The following GOSR1 variants were observed in gnomAD, a reference collection of about 807,000 sequenced individuals.
GOSR1 encodes golgi SNAP receptor complex member 1.
In GOSR1, 21 loss-of-function variants were observed where a neutral mutation model predicts 35.5. The ratio of observed to expected loss-of-function variants is 0.59; its 90% CI spans 0.42 to 0.85. GOSR1 has a LOEUF of 0.85. Ranked by LOEUF, GOSR1 falls within the 40% of genes least tolerant of loss-of-function variation. The pLI, the probability that GOSR1 is intolerant of heterozygous loss-of-function variation, is 0.00. For missense variants in GOSR1, 285 were observed against 309.6 expected (o/e 0.92, Z 0.60); for synonymous variants, 94 against 106.6 (o/e 0.88, Z 0.73).
chr17:30,513,911 G>A (rs990062607), intron 7 of GOSR1, among the ~76,000 whole-genome samples: 22 of 152,136 alleles, frequency 1.4e-4, no homozygotes, highest in Non-Finnish European at 2.8e-4. Flanking sequence ...TACTGCAGCC[G>A]TGCCTGCATG....
At chr17:30,504,601 T>C (rs1382114961) in intron 6 of GOSR1, among the ~76,000 whole-genome samples, 1 of 152,160 alleles carries the variant, frequency 6.6e-6, no homozygotes, top group Non-Finnish European at 1.5e-5. Flanking sequence ...ACATGTAAAA[T>C]GTGATTTAAA....
At chr17:30,485,003 C>T in intron 4 of GOSR1, 2 of 523,310 alleles carry the variant, frequency 3.8e-6, no homozygotes, top group East Asian at 7.5e-5. Context: ...TAATATTCAT[C>T]ACTGGGTACA....
chr17:30,488,742 T>TG (rs1203417244), intron 4 of GOSR1, among the ~76,000 whole-genome samples: 2 of 151,826 alleles, frequency 1.3e-5, no homozygotes, highest in African/African-American at 4.8e-5. Flanking sequence ...TTCGCCATGT[T>TG]GGCCAAGCTG....
At chr17:30,483,741 G>T (rs891798712) in intron 2 of GOSR1, among the ~76,000 whole-genome samples, 2 of 152,180 alleles carry the variant, frequency 1.3e-5, no homozygotes, top group Non-Finnish European at 2.9e-5. Flanking sequence ...GAGGACAGGT[G>T]GGTTTAGAAT....
At chr17:30,516,466 T>G (rs1967816073) in intron 7 of GOSR1, among the ~76,000 whole-genome samples, 1 of 38,946 alleles carries the variant, frequency 2.6e-5, no homozygotes, top group East Asian at 3.3e-3. Flanking sequence ...CAAGACTCCG[T>G]CTCAAACAAA....
At chr17:30,514,006 C>G (rs2143874495) in intron 7 of GOSR1, among the ~76,000 whole-genome samples, 1 of 152,320 alleles carries the variant, frequency 6.6e-6, no homozygotes, top group Admixed American at 6.5e-5. Context: ...AAAGCTGTTA[C>G]TTTATACAAG....
At position 30,525,081 on chromosome 17, in the gene GOSR1, ACATCTACACTG is replaced by A. The variant is rs1968161487; in HGVS notation, c.*2705_*2715del. ...CTACAGCCTGGTTTGTAGACTTCCAACATCTACACTGCTGCTCTTCACCATTGGAATTCACT... is the reference window on the plus strand; with the variant it reads ...CTACAGCCTGGTTTGTAGACTTCCAACTGCTCTTCACCATTGGAATTCACT... On this transcript the variant is annotated 3_prime_UTR_variant, in exon 9 of 9. Transcript: ENST00000451249. The A allele has an allele frequency of 6.6e-6, 1 of 152,234 alleles. No homozygotes were observed. The allele number at this position is 152,234 out of a possible 1,614,324, so 9.4% of individuals were successfully genotyped here. A position where few individuals can be genotyped will look rare whatever the true frequency, so the allele number is the denominator to read the frequency against.
In GOSR1 at chr17:30,485,016, T is replaced by G. The variant is rs1914592592; in HGVS notation, c.342+246T>G. Reference sequence around the variant, plus strand: ...AGTAATATTCATCACTGGGTACATATACTTCCACTATGGGAGACCTAGCTA... The same window carrying G: ...AGTAATATTCATCACTGGGTACATAGACTTCCACTATGGGAGACCTAGCTA... On this transcript the variant is annotated intron_variant, in intron 4 of 8. Transcript: ENST00000451249. The G allele has an allele frequency of 6.1e-6, 3 of 492,726 alleles. No homozygotes were observed. In the East Asian group the frequency reaches 1.2e-4, roughly 20 times the overall value. The allele number at this position is 492,726 out of a possible 1,614,324, so 30.5% of individuals were successfully genotyped here. A position where few individuals can be genotyped will look rare whatever the true frequency, so the allele number is the denominator to read the frequency against.
chr17:30,485,203 CTAAA>C (rs1441250115), intron 4 of GOSR1: 1 of 189,848 alleles, frequency 5.3e-6, no homozygotes. Flanking sequence ...ACCAATAAAA[CTAAA>C]TAAACTTTTA....
At chr17:30,478,557 C>CTTTTTTT (rs34257137) in intron 1 of GOSR1, 1 of 131,840 alleles carries the variant, frequency 7.6e-6, no homozygotes, top group Admixed American at 8.0e-5. Context: ...AGCTAGAAAA[C>CTTTTTTT]TTTTTTTTTT....
At chr17:30,510,858 G>T in intron 6 of GOSR1, 22 bp from the exon 7 acceptor site, 1 of 1,378,272 alleles carries the variant, frequency 7.3e-7, no homozygotes, top group South Asian at 1.2e-5. Flanking sequence ...TTCAGAATTT[G>T]AATTTTTCTT....
chr17:30,521,763 A>G (rs1968045826), intron 8 of GOSR1, among the ~76,000 whole-genome samples: 1 of 152,010 alleles, frequency 6.6e-6, no homozygotes, highest in Non-Finnish European at 1.5e-5. Flanking sequence ...CTAAGGCGGG[A>G]AAAGATCAGG....
intron 6 of GOSR1, among the ~76,000 whole-genome samples, chr17:30,494,010 A>G (rs901000988): frequency 2.0e-5 from 3 of 152,174 alleles, no homozygotes; most frequent in African/African-American, 7.2e-5. Context: ...AATATTGGCA[A>G]ATTTCCAAGT....
chr17:30,512,374 T>A (rs1039204700), intron 7 of GOSR1, among the ~76,000 whole-genome samples: 3 of 152,146 alleles, frequency 2.0e-5, no homozygotes, highest in Non-Finnish European at 4.4e-5. Flanking sequence ...TTCAGAAAAA[T>A]TTCAGTAGTG....
chr17:30,481,614 C>T (rs773513239), intron 2 of GOSR1, among the ~76,000 whole-genome samples: 3 of 152,110 alleles, frequency 2.0e-5, no homozygotes, highest in Non-Finnish European at 4.4e-5. Context: ...CTAAATGGAC[C>T]TGTGGATCTA....
chr17:30,499,262 T>G (rs1322633090), intron 6 of GOSR1, among the ~76,000 whole-genome samples: 2 of 152,200 alleles, frequency 1.3e-5, no homozygotes, highest in African/African-American at 4.8e-5. Context: ...TTGGGTTATT[T>G]TCAGTTTTTG....
intron 6 of GOSR1, among the ~76,000 whole-genome samples, chr17:30,510,174 A>G (rs1464370598): frequency 6.6e-6 from 1 of 152,078 alleles, no homozygotes; most frequent in African/African-American, 2.4e-5. Context: ...CCCGGGTTCA[A>G]GCAGTTCTCG....
intron 4 of GOSR1, among the ~76,000 whole-genome samples, chr17:30,485,895 G>C (rs944304503): frequency 6.6e-6 from 1 of 151,894 alleles, no homozygotes; most frequent in East Asian, 2.0e-4. Flanking sequence ...AGTGGTGGGC[G>C]CCTGTAATCC....
At chr17:30,479,254 A>T (rs865883123) in intron 1 of GOSR1, 39 of 152,230 alleles carry the variant, frequency 2.6e-4, no homozygotes, top group African/African-American at 9.2e-4. Context: ...TACCTCTGGT[A>T]CTTCTGCCCT....
Sources: gnomAD v4.1 joint callset for allele counts (sites outside exome capture counted in the v4.1 genomes callset) on GRCh38, gnomAD v4.1.1 for gene constraint, MANE v1.5 for transcripts, NCBI Gene and HGNC (gene_info 2026-07-23, HGNC 2026-07-21) for gene names.